Variants in RPF1 observed in about 807,000 individuals in gnomAD.
The protein encoded by RPF1 is ribosome production factor 1.
Under a neutral mutation model 41.9 loss-of-function variants are expected in RPF1, and 34 were observed. The ratio of observed to expected loss-of-function variants is 0.81; its 90% CI spans 0.62 to 1.08. The LOEUF is 1.08. RPF1 is among the 50% of genes least tolerant of loss of function. The pLI, the probability that RPF1 is intolerant of heterozygous loss-of-function variation, is 0.00. For synonymous variants in RPF1, 140 were observed against 148.9 expected (o/e 0.94, Z 0.43); for missense variants, 425 against 435.2 (o/e 0.98, Z 0.21).
rs757760874 is a variant in RPF1, at chr1:84,479,475, T to G, written c.194T>G (p.Leu65Ter). The change falls in exon 1 of 9, where the codon TTA (leucine) becomes TGA (stop). Residue 65 changes from leucine (L) to a stop codon, truncating the protein, a stop_gained. Transcript: ENST00000370654. LOFTEE classifies it high-confidence loss of function. ...ATTAAAAACAAACAGCGGCGACACT[T>G]AATGTTCACGCGGTGGAAACAGCAG... ...SEIKNKQRRH[L>*]MFTRWKQQQR... The G allele has an allele frequency of 6.2e-7, 1 of 1,614,174 alleles. No homozygotes were observed. Among genetic ancestry groups the G allele is most frequent in the Non-Finnish European group, 8.5e-7 (1 of 1,179,998 alleles).
chr1:84,494,813 T>C (rs1681898747), intron 5 of RPF1, among the ~76,000 whole-genome samples: 1 of 152,194 alleles, frequency 6.6e-6, no homozygotes, highest in African/African-American at 2.4e-5. Context: ...GATTATAATT[T>C]GGGGTACAGT....
At position 84,489,298 on chromosome 1, in the gene RPF1, TTTTG is replaced by T. The variant is rs536753269; in HGVS notation, c.367-323_367-320del. On this transcript the variant is annotated intron_variant, in intron 3 of 8. Transcript: ENST00000370654. ...TTTCATTAGTTTTTTTTGGTTCTTT[TTTTG>T]TTTGTTTGTTTTGTTTTTTTTGTGG... 6.1e-4 allele frequency among the ~76,000 whole-genome samples: 93 copies of T among 152,294 alleles called. 1 individual carries two copies. The highest frequency in any genetic ancestry group is 1.9e-3 in the African/African-American group (78 of 41,564).
intron 5 of RPF1, among the ~76,000 whole-genome samples, chr1:84,491,810 A>C (rs982980644): frequency 2.0e-5 from 3 of 152,220 alleles, no homozygotes; most frequent in Non-Finnish European, 4.4e-5. Context: ...TGTTTTATCC[A>C]GGGTGTTTTA....
In RPF1 at chr1:84,490,469, C is replaced by G. The variant is rs1681815072; in HGVS notation, c.613C>G (p.Pro205Ala). 6.4e-7 allele frequency: 1 copy of G among 1,574,378 alleles called. No individual in the cohort carries two copies. The highest frequency in any genetic ancestry group is 8.6e-7 in the Non-Finnish European group (1 of 1,167,606). Residue 205 changes from proline to alanine, a missense_variant, in exon 5 of 9, where the codon CCA becomes GCA. Coordinates refer to ENST00000370654, the MANE Select transcript of RPF1 (RefSeq NM_025065.7). The stretch of plus-strand genomic sequence containing the variant: ...TGTTATTAATGAAGATCGTAAAACC[C>G]CAAGTATCCTTTTTTTTTTTAAGGA... ...LIVINEDRKT[P>A]NGLILSHLPN...
chr1:84,495,568 T>A, intron 6 of RPF1, 113 bp downstream of exon 6: 1 of 610,352 alleles, frequency 1.6e-6, no homozygotes, highest in Non-Finnish European at 2.8e-6. Flanking sequence ...TTTGTTCTCC[T>A]GATTAGAGCA....
intron 3 of RPF1, chr1:84,483,299 C>G (rs1681683431): frequency 6.8e-6 from 2 of 293,774 alleles, no homozygotes; most frequent in South Asian, 8.1e-5. Context: ...CAGAGTCTTG[C>G]TCTGTCGCCC....
chr1:84,492,770 A>G (rs182577494), intron 5 of RPF1, among the ~76,000 whole-genome samples: 1 of 152,322 alleles, frequency 6.6e-6, no homozygotes, highest in South Asian at 2.1e-4. Flanking sequence ...GCAGCTTCCA[A>G]GATGGTTTGC....
In RPF1 at chr1:84,497,512, T is replaced by C; in HGVS notation, c.*42T>C. On this transcript the variant is annotated 3_prime_UTR_variant, in exon 9 of 9. Coordinates refer to ENST00000370654, the MANE Select transcript of RPF1 (RefSeq NM_025065.7). ...TATTGGATTTTGCTGAACAGGCCTA[T>C]CTTGAACTTTGGTAAATTATTTTTG... 1 of 1,410,610 alleles carries C rather than the reference T, an allele frequency of 7.1e-7. No homozygotes were observed. 87.4% of individuals were successfully genotyped at this position (1,410,610 alleles called of 1,614,324 possible). A position where few individuals can be genotyped will look rare whatever the true frequency, so the allele number is the denominator to read the frequency against.
intron 5 of RPF1, among the ~76,000 whole-genome samples, chr1:84,494,669 CTA>C (rs1201408227): frequency 1.3e-5 from 2 of 152,178 alleles, no homozygotes; most frequent in Non-Finnish European, 2.9e-5. Flanking sequence ...CCCAGGACTT[CTA>C]GAGTCCTTGG....
At position 84,489,795 on chromosome 1, in the gene RPF1, T is replaced by C. The variant is rs114072867; in HGVS notation, c.462+67T>C. On this transcript the variant is annotated intron_variant, in intron 4 of 8. Transcript: ENST00000370654. ...CTTATTACTTCTATTTAAAGTACTC[T>C]GTTCAGAAGAGTTAAACCATTAGTT... The C allele has an allele frequency of 6.5e-4, 582 of 899,442 alleles. 5 individuals are homozygous for C. In the African/African-American group the frequency reaches 8.6e-3, roughly 13 times the overall value. 55.7% of individuals were successfully genotyped at this position (899,442 alleles called of 1,614,324 possible).
chr1:84,487,996 A>G (rs1445272763), intron 3 of RPF1, among the ~76,000 whole-genome samples: 2 of 151,972 alleles, frequency 1.3e-5, no homozygotes, highest in Admixed American at 6.6e-5. Flanking sequence ...TCAAATATCT[A>G]TATATGCTTG....
chr1:84,496,374 T>A lies in RPF1; in HGVS notation c.1008+4T>A, dbSNP rs763687704. On this transcript the variant is annotated splice_donor_region_variant and intron_variant, in intron 8 of 8. Transcript: ENST00000370654. ...AGAGTATGAATGGGTCCATAAGGTA[T>A]GTGCTTATTGTTTAAAAAGACTAAG... The A allele has an allele frequency of 7.6e-6, 12 of 1,584,504 alleles. No homozygotes were observed. Among genetic ancestry groups the A allele is most frequent in the Non-Finnish European group, 9.4e-6 (11 of 1,166,190 alleles).
chr1:84,480,841 T>C, intron 1 of RPF1, 115 bp from the exon 2 acceptor site: 2 of 592,048 alleles, frequency 3.4e-6, no homozygotes, highest in Non-Finnish European at 6.0e-6. Flanking sequence ...TTCAATAGAT[T>C]ACAAAGACCG....
At chr1:84,497,231 T>TCA (rs1193400450) in intron 8 of RPF1, among the ~76,000 whole-genome samples, 198 bp from the exon 9 acceptor site, 4 of 150,818 alleles carry the variant, frequency 2.7e-5, no homozygotes, top group Admixed American at 6.7e-5. Flanking sequence ...TACTTTAAAA[T>TCA]CACACACACA....
At position 84,496,361 on chromosome 1, in the gene RPF1, G is replaced by C; in HGVS notation, c.999G>C (p.Trp333Cys). The C allele has an allele frequency of 6.2e-7, 1 of 1,605,578 alleles. No individual in the cohort carries two copies. The highest frequency in any genetic ancestry group is 1.1e-5 in the South Asian group (1 of 89,478). The change falls in exon 8 of 9, where the codon TGG becomes TGC. Residue 333 changes from tryptophan (W) to cysteine (C), a missense_variant. Physicochemically the swap from Trp to Cys is radical, Grantham distance 215. Transcript: ENST00000370654. Reference sequence around the variant, plus strand: ...ATTCTAAATATGGAGAGTATGAATGGGTCCATAAGGTATGTGCTTATTGTT... The same window carrying C: ...ATTCTAAATATGGAGAGTATGAATGCGTCCATAAGGTATGTGCTTATTGTT... ...TFDSKYGEYE[W>C]VHKPREMDTS...
chr1:84,482,994 A>G lies in RPF1; in HGVS notation c.365A>G (p.Glu122Gly). The G allele has an allele frequency of 6.4e-7, 1 of 1,553,894 alleles. No individual in the cohort carries two copies. The highest frequency in any genetic ancestry group is 8.9e-7 in the Non-Finnish European group (1 of 1,125,236). Residue 122 changes from glutamate to glycine, a missense_variant and splice_region_variant, in exon 3 of 9, where the codon GAG (glutamate) becomes GGG (glycine). Coordinates refer to ENST00000370654, the MANE Select transcript of RPF1 (RefSeq NM_025065.7). ...ACCACAGTAGACCCTAATGATGAAG[A>G]GGTAATGTTAGAAGTCTTAAATTAG... Reference protein sequence around the residue: ...DETTVDPNDEEVAYDEATDEF... With the variant: ...DETTVDPNDEGVAYDEATDEF...
At position 84,489,638 on chromosome 1, in the gene RPF1, T is replaced by A; in HGVS notation, c.372T>A (p.Ala124=). ...TTVDPNDEEV[A]YDEATDEFAS... is the part of the protein sequence containing the mutation. ...TTCCTCTTCTCTGTTCTCAGGTCGCTTATGATGAAGCTACAGATGAATTTG... is the reference window on the plus strand; with the variant it reads ...TTCCTCTTCTCTGTTCTCAGGTCGCATATGATGAAGCTACAGATGAATTTG... The change falls in exon 4 of 9, where the codon GCT becomes GCA. Residue 124 remains alanine (A), a synonymous_variant. Transcript: ENST00000370654. 1 of 1,587,814 alleles carries A rather than the reference T, an allele frequency of 6.3e-7. No homozygotes were observed. Among genetic ancestry groups the A allele is most frequent in the East Asian group, 2.2e-5 (1 of 44,708 alleles).
In RPF1 at chr1:84,497,567, C is replaced by A; in HGVS notation, c.*97C>A. 1 of 889,172 alleles carries A rather than the reference C, an allele frequency of 1.1e-6. No homozygotes were observed. The highest frequency in any genetic ancestry group is 1.7e-6 in the Non-Finnish European group (1 of 582,850). 55.1% of individuals were successfully genotyped at this position (889,172 alleles called of 1,614,324 possible). ...AATACTCTTTTCAAAATGGCATTTG[C>A]TGATTTCATAAACCTTTCACGTCTG... On this transcript the variant is annotated 3_prime_UTR_variant, in exon 9 of 9. Coordinates refer to ENST00000370654, the MANE Select transcript of RPF1 (RefSeq NM_025065.7).
At chr1:84,488,332 A>G (rs954879351) in intron 3 of RPF1, among the ~76,000 whole-genome samples, 2 of 152,124 alleles carry the variant, frequency 1.3e-5, no homozygotes, top group African/African-American at 4.8e-5. Flanking sequence ...TGCTAGAGCT[A>G]TTCCTGGATA....
Sources: gnomAD v4.1 joint callset for allele counts (sites outside exome capture counted in the v4.1 genomes callset) on GRCh38, gnomAD v4.1.1 for gene constraint, MANE v1.5 for transcripts, NCBI Gene and HGNC (gene_info 2026-07-23, HGNC 2026-07-21) for gene names.